Variants in GPN1 observed in about 807,000 individuals in gnomAD.
GPN1 encodes the protein GPN-loop GTPase 1.
In GPN1, 44 loss-of-function variants were observed where a neutral mutation model predicts 55.9. The observed-to-expected ratio is 0.79, with a 90% CI of 0.62 to 1.01. The LOEUF is 1.01. GPN1 is among the 50% of genes least tolerant of loss of function. The pLI is 0.00. For synonymous variants in GPN1, 179 were observed against 162.5 expected (o/e 1.10, Z -0.77); for missense variants, 466 against 462.8 (o/e 1.01, Z -0.06).
chr2:27,644,001 A>G (rs1056420441), intron 12 of GPN1, among the ~76,000 whole-genome samples: 2 of 152,212 alleles, frequency 1.3e-5, no homozygotes, highest in Non-Finnish European at 2.9e-5. Flanking sequence ...CAACATGGTG[A>G]AACCCCATCT....
intron 11 of GPN1, 129 bp from the exon 12 acceptor site, chr2:27,642,300 C>T (rs1380987184): frequency 6.3e-6 from 4 of 638,586 alleles, no homozygotes; most frequent in African/African-American, 1.8e-5. Flanking sequence ...CTATACCAGA[C>T]GTCCCTTATC....
At position 27,629,363 on chromosome 2, in the gene GPN1, G is replaced by T. The variant is rs1164433250; in HGVS notation, c.111+194G>T. On this transcript the variant is annotated intron_variant, in intron 1 of 13. Transcript: ENST00000610189. ...GCCAGGTTAATTAAGGCTCTCTTCT[G>T]CGCACCTTCAGGGCATACTCGGTCC... The T allele has an allele frequency of 5.2e-6, 8 of 1,548,246 alleles. No homozygotes were observed. In the Admixed American group the frequency reaches 1.6e-4, roughly 30 times the overall value.
chr2:27,639,914 T>A, intron 9 of GPN1, 129 bp from the exon 10 acceptor site: 6 of 720,754 alleles, frequency 8.3e-6, no homozygotes, highest in South Asian at 1.8e-5. Context: ...TTAGCCTGGC[T>A]TTTTGCCAAA....
chr2:27,634,980 C>A, intron 6 of GPN1, 56 bp downstream of exon 6: 1 of 1,081,304 alleles, frequency 9.2e-7, no homozygotes, highest in Non-Finnish European at 1.4e-6. Context: ...ACTGGATGAG[C>A]ATTTATTTTT....
At chr2:27,640,021 C>T in intron 9 of GPN1, 22 bp from the exon 10 acceptor site, 3 of 1,455,834 alleles carry the variant, frequency 2.1e-6, no homozygotes, top group Non-Finnish European at 2.9e-6. Flanking sequence ...TCTTTAGTGG[C>T]ATTTATGATG....
At chr2:27,635,009 A>T (rs758917684) in intron 6 of GPN1, 85 bp downstream of exon 6, 43 of 985,458 alleles carry the variant, frequency 4.4e-5, no homozygotes, top group Non-Finnish European at 6.8e-5. Flanking sequence ...TGGACTTTAT[A>T]TGGGAGGAAG....
intron 12 of GPN1, among the ~76,000 whole-genome samples, chr2:27,647,049 T>C (rs1174765310): frequency 6.7e-6 from 1 of 148,848 alleles, no homozygotes; most frequent in Non-Finnish European, 1.5e-5. Flanking sequence ...ACAAGTATAG[T>C]TGCATAATTG....
At chr2:27,636,107 C>T (rs1466362701) in intron 7 of GPN1, among the ~76,000 whole-genome samples, 1 of 151,780 alleles carries the variant, frequency 6.6e-6, no homozygotes, top group Non-Finnish European at 1.5e-5. Context: ...TCCCCGCTAC[C>T]TGGGAGGCAG....
rs770952518 is a variant in GPN1 at position 27,639,026 on chromosome 2, C to G, written c.712C>G (p.Leu238Val). 1 of 1,607,122 alleles carries G rather than the reference C, an allele frequency of 6.2e-7. No individual in the cohort carries two copies. The highest frequency in any genetic ancestry group is 1.1e-5 in the South Asian group (1 of 90,232). Residue 238 changes from leucine to valine, a missense_variant, in exon 9 of 14, where the codon CTC (leucine) becomes GTC (valine). Transcript: ENST00000610189. ...GGTGTTAGATGAGTTTTACAGCTCA[C>G]TCAGGGTAAATTTTCTCTCCTGCTC... ...SLVLDEFYSS[L>V]RVVGVSAVLG...
chr2:27,641,791 G>T (rs990846377), intron 11 of GPN1, among the ~76,000 whole-genome samples: 1 of 152,122 alleles, frequency 6.6e-6, no homozygotes, highest in Non-Finnish European at 1.5e-5. Flanking sequence ...TATAGACAAG[G>T]TCTCACCGTG....
chr2:27,636,090 CCT>C (rs1412580644), intron 7 of GPN1, among the ~76,000 whole-genome samples: 1 of 152,026 alleles, frequency 6.6e-6, no homozygotes, highest in Non-Finnish European at 1.5e-5. Context: ...GTGGTGTGTG[CCT>C]GTAATCCCCG....
chr2:27,631,766 A>G, intron 3 of GPN1, 68 bp from the exon 4 acceptor site: 1 of 907,866 alleles, frequency 1.1e-6, no homozygotes. Flanking sequence ...GTTTGTGTGA[A>G]TGATAGCCTA....
rs188194772 is a variant in GPN1, at chr2:27,629,055, G to A, written c.-4G>A. On this transcript the variant is annotated 5_prime_UTR_variant, in exon 1 of 14. Transcript: ENST00000610189. ...ATGGTCGGGTGGGTGGGGCCAGGAGGAAGATGGCGGCGTCCGCAGCTGCCG... is the reference window on the plus strand; with the variant it reads ...ATGGTCGGGTGGGTGGGGCCAGGAGAAAGATGGCGGCGTCCGCAGCTGCCG... 129 of 1,614,210 alleles carry A rather than the reference G, an allele frequency of 8.0e-5. 2 individuals carry two copies. The African/African-American group carries it at 1.5e-3, about 18-fold the overall frequency.
At chr2:27,629,367 A>C (rs1673439205) in intron 1 of GPN1, 198 bp downstream of exon 1, 7 of 1,549,000 alleles carry the variant, frequency 4.5e-6, no homozygotes, top group Non-Finnish European at 6.1e-6. Flanking sequence ...TCTTCTGCGC[A>C]CCTTCAGGGC....
intron 13 of GPN1, among the ~76,000 whole-genome samples, chr2:27,648,834 G>A (rs951142430): frequency 2.5e-4 from 38 of 151,768 alleles, no homozygotes; most frequent in Non-Finnish European, 5.3e-4. Context: ...ACGGGGTTTC[G>A]CCATGTTGGC....
At chr2:27,642,745 G>A (rs1674008744) in intron 12 of GPN1, among the ~76,000 whole-genome samples, 1 of 151,708 alleles carries the variant, frequency 6.6e-6, no homozygotes, top group Non-Finnish European at 1.5e-5. Context: ...TGTATTTTTA[G>A]TAGAGATGGG....
At chr2:27,628,394 A>G, upstream of GPN1, 1 of 1,550,860 alleles carries the variant, frequency 6.4e-7, no homozygotes, top group Non-Finnish European at 8.7e-7. Context: ...ACCTACTTGC[A>G]CCTGGAATCC....
intron 8 of GPN1, among the ~76,000 whole-genome samples, chr2:27,638,479 A>T (rs1314638336): frequency 6.6e-6 from 1 of 152,240 alleles, no homozygotes; most frequent in Non-Finnish European, 1.5e-5. Context: ...TAGCACTTCA[A>T]CCACAGTATG....
intron 12 of GPN1, among the ~76,000 whole-genome samples, chr2:27,647,597 T>G (rs1264327606): frequency 6.6e-6 from 1 of 152,200 alleles, no homozygotes; most frequent in Non-Finnish European, 1.5e-5. Flanking sequence ...TCTTGAAAAT[T>G]ATTTCCCTCA....
Sources: allele counts gnomAD v4.1 joint callset (sites outside exome capture counted in the v4.1 genomes callset), GRCh38; gene constraint gnomAD v4.1.1; transcripts MANE v1.5; gene names NCBI Gene and HGNC (gene_info 2026-07-23, HGNC 2026-07-21).